Variants in CSMD1 observed in about 807,000 individuals in gnomAD.
The protein encoded by CSMD1 is CUB and sushi domain-containing protein 1.
Under a neutral mutation model 417.5 loss-of-function variants are expected in CSMD1, and 213 were observed. The observed-to-expected ratio is 0.51, with a 90% CI of 0.46 to 0.57. The LOEUF (loss-of-function observed/expected upper bound fraction) is 0.57. CSMD1 is among the 20% of genes least tolerant of loss of function. The pLI is 0.00. For missense variants in CSMD1, 6,923 were observed against 4,529.7 expected, an observed-to-expected ratio of 1.53 and a Z score of -15.17; for synonymous variants, 2,862 against 1,736.8, an observed-to-expected ratio of 1.65 and a Z score of -16.11.
rs1027065819 is a variant in CSMD1, at chr8:3,659,433, T to C, written c.1010-42636A>G. 2.0e-5 allele frequency among the ~76,000 whole-genome samples: 3 copies of C among 152,340 alleles called. No individual in the cohort carries two copies. In the South Asian group the frequency reaches 6.2e-4, roughly 32 times the overall value. ...AGTGTTTAGAATCATTGTATAATTA[T>C]CTGAGACACTACTTAGTTTTCAAAT... On this transcript the variant is annotated intron_variant, in intron 7 of 69. Coordinates refer to ENST00000635120, the MANE Select transcript of CSMD1 (RefSeq NM_033225.6).
At chr8:3,329,909 C>T (rs1806783609) in intron 23 of CSMD1, among the ~76,000 whole-genome samples, 1 of 152,086 alleles carries the variant, frequency 6.6e-6, no homozygotes, top group Non-Finnish European at 1.5e-5. Context: ...TTCCTTAAAT[C>T]AGAAGAAAAA....
chr8:3,420,248 G>T (rs79657794), intron 12 of CSMD1, among the ~76,000 whole-genome samples: 1 of 151,938 alleles, frequency 6.6e-6, no homozygotes, highest in Non-Finnish European at 1.5e-5. Context: ...CACAAGAAAA[G>T]CATCAGATAA....
chr8:4,070,336 T>C (rs373814279), intron 3 of CSMD1, among the ~76,000 whole-genome samples: 41 of 152,148 alleles, frequency 2.7e-4, no homozygotes, highest in African/African-American at 9.9e-4. Context: ...AGAAAATGTC[T>C]TCTTATATTA....
intron 19 of CSMD1, among the ~76,000 whole-genome samples, chr8:3,368,091 T>G (rs1465831700): frequency 6.6e-6 from 1 of 152,188 alleles, no homozygotes; most frequent in African/African-American, 2.4e-5. Flanking sequence ...AAATTAACTG[T>G]GAACAGATAA....
At chr8:4,609,811 C>T (rs982425430) in intron 2 of CSMD1, among the ~76,000 whole-genome samples, 6 of 152,204 alleles carry the variant, frequency 3.9e-5, no homozygotes, top group South Asian at 4.1e-4. Flanking sequence ...TGAGAATATA[C>T]GATAAAACCA....
In CSMD1 at chr8:3,549,217, G is replaced by A. The variant is rs576009699; in HGVS notation, c.1344+25728C>T. On this transcript the variant is annotated intron_variant, in intron 10 of 69. Transcript: ENST00000635120. ...CTGTTTTCTTGGTAAAGCCTCATAA[G>A]CATGGTTTCTATGTTCTGAAAGGGT... Among the ~76,000 whole-genome samples the A allele has an allele frequency of 5.0e-4, 76 of 152,312 alleles. 2 individuals carry two copies. The South Asian group carries it at 0.012, about 24-fold the overall frequency.
chr8:4,123,005 C>A (rs1802571960), intron 3 of CSMD1, among the ~76,000 whole-genome samples: 1 of 152,162 alleles, frequency 6.6e-6, no homozygotes, highest in African/African-American at 2.4e-5. Context: ...CACTGAGCTT[C>A]CAGCTTTGAC....
intron 3 of CSMD1, among the ~76,000 whole-genome samples, chr8:4,222,802 T>G (rs1413559155): frequency 6.6e-6 from 1 of 152,178 alleles, no homozygotes; most frequent in Non-Finnish European, 1.5e-5. Context: ...CTGGTTGAGC[T>G]GACCTGAGGA....
intron 3 of CSMD1, among the ~76,000 whole-genome samples, chr8:4,374,208 A>G (rs568977940): frequency 5.9e-5 from 9 of 152,134 alleles, no homozygotes; most frequent in African/African-American, 1.9e-4. Context: ...GCTTTGAGGA[A>G]GGATTAACAG....
intron 7 of CSMD1, among the ~76,000 whole-genome samples, chr8:3,671,990 C>G (rs73183306): frequency 0.16 from 23,824 of 152,082 alleles, 2,094 homozygotes; most frequent in South Asian, 0.22. Flanking sequence ...AATACTTAAA[C>G]AAAAATAATT....
intron 25 of CSMD1, among the ~76,000 whole-genome samples, chr8:3,286,878 T>G (rs1440816789): frequency 6.6e-6 from 1 of 152,202 alleles, no homozygotes; most frequent in African/African-American, 2.4e-5. Context: ...TTTTGGTGTT[T>G]TAGACATGAA....
chr8:3,362,541 C>G (rs1183034122), intron 20 of CSMD1, among the ~76,000 whole-genome samples: 1 of 152,236 alleles, frequency 6.6e-6, no homozygotes, highest in Non-Finnish European at 1.5e-5. Context: ...TTCGGAACTT[C>G]TGCTGCCCCA....
chr8:4,503,205 T>C (rs1802348322), intron 2 of CSMD1, among the ~76,000 whole-genome samples: 1 of 152,144 alleles, frequency 6.6e-6, no homozygotes, highest in South Asian at 2.1e-4. Context: ...TAATTCCTCT[T>C]GTACTGTAAA....
chr8:3,243,816 A>G (rs1563179432), intron 26 of CSMD1, among the ~76,000 whole-genome samples: 3 of 151,178 alleles, frequency 2.0e-5, no homozygotes, highest in Non-Finnish European at 4.4e-5. Flanking sequence ...TATGATGAAT[A>G]TTATATTTAT....
chr8:4,672,299 T>C (rs573567151), intron 1 of CSMD1, among the ~76,000 whole-genome samples: 1 of 152,310 alleles, frequency 6.6e-6, no homozygotes, highest in Admixed American at 6.5e-5. Context: ...TGAAAACTTC[T>C]CTAGAACTTC....
chr8:3,437,313 C>T (rs897013333), intron 12 of CSMD1, among the ~76,000 whole-genome samples: 24 of 152,206 alleles, frequency 1.6e-4, no homozygotes, highest in Non-Finnish European at 7.3e-5. Context: ...GTCAACCCCA[C>T]TCCATTATTA....
At chr8:4,241,984 G>C (rs1802433078) in intron 3 of CSMD1, among the ~76,000 whole-genome samples, 1 of 152,168 alleles carries the variant, frequency 6.6e-6, no homozygotes, top group South Asian at 2.1e-4. Context: ...CATGCCAACA[G>C]TGCTTTAAAG....
At position 4,139,932 on chromosome 8, in the gene CSMD1, G is replaced by A. The variant is rs540330526; in HGVS notation, c.416-107833C>T. 2.2e-4 allele frequency among the ~76,000 whole-genome samples: 33 copies of A among 150,462 alleles called. 1 individual carries two copies. In the South Asian group the frequency reaches 6.7e-3, roughly 30 times the overall value. ...CCTCATCTTCAGAGGATGGATAAAAGGAAGTGTGGATGGCAGCAAGGGCAG... is the reference window on the plus strand; with the variant it reads ...CCTCATCTTCAGAGGATGGATAAAAAGAAGTGTGGATGGCAGCAAGGGCAG... On this transcript the variant is annotated intron_variant, in intron 3 of 69. Coordinates refer to ENST00000635120, the MANE Select transcript of CSMD1 (RefSeq NM_033225.6).
chr8:3,144,417 G>C lies in CSMD1; in HGVS notation c.6032-1743C>G, dbSNP rs564896498. On this transcript the variant is annotated intron_variant, in intron 40 of 69. Coordinates refer to ENST00000635120, the MANE Select transcript of CSMD1 (RefSeq NM_033225.6). The stretch of plus-strand genomic sequence containing the variant: ...AAAAAATAGAACGTGAAAAACTGCA[G>C]GATGTGGCTGAGGAGACAAAATACA... Among the ~76,000 whole-genome samples the C allele has an allele frequency of 7.2e-5, 11 of 152,062 alleles. No homozygotes were observed. The East Asian group carries it at 2.1e-3, about 29-fold the overall frequency.
Sources: gnomAD v4.1 joint callset for allele counts (sites outside exome capture counted in the v4.1 genomes callset) on GRCh38, gnomAD v4.1.1 for gene constraint, MANE v1.5 for transcripts, NCBI Gene and HGNC (gene_info 2026-07-23, HGNC 2026-07-21) for gene names.